Variants in NLGN1 observed in about 807,000 individuals in gnomAD.
NLGN1 encodes the protein neuroligin 1.
NLGN1 carries 12 observed loss-of-function variants against 65.5 expected under a neutral mutation model. The ratio of observed to expected loss-of-function variants is 0.18; its 90% confidence interval spans 0.12 to 0.30. The LOEUF (loss-of-function observed/expected upper bound fraction) is 0.30, where lower values mean the gene tolerates loss of function less well. NLGN1 is among the 10% of genes least tolerant of loss of function. The pLI is 1.00. For missense variants in NLGN1, 750 were observed against 1,007.1 expected, an observed-to-expected ratio of 0.74 and a Z score of 3.46; for synonymous variants, 350 against 359.5, an observed-to-expected ratio of 0.97 and a Z score of 0.30.
At position 174,068,712 on chromosome 3, in the gene NLGN1, A is replaced by G. The variant is rs9850345; in HGVS notation, c.647-206603A>G. ...ACCTCAAAAAGAAGTTATATTTGAT[A>G]TAAAAATGATTAGAGTCACCATTTC... On this transcript the variant is annotated intron_variant, in intron 4 of 6. Transcript: ENST00000457714. 8.7e-3 allele frequency among the ~76,000 whole-genome samples: 1,327 copies of G among 152,318 alleles called. 25 individuals are homozygous for G. Among genetic ancestry groups the G allele is most frequent in the African/African-American group, 0.03 (1,247 of 41,584 alleles).
intron 4 of NLGN1, among the ~76,000 whole-genome samples, chr3:174,089,969 G>T (rs944752931): frequency 6.6e-6 from 1 of 151,554 alleles, no homozygotes; most frequent in Non-Finnish European, 1.5e-5. Context: ...TATATCTAGA[G>T]TTATCAGTTT....
At chr3:173,850,500 T>C (rs1726703297) in intron 4 of NLGN1, among the ~76,000 whole-genome samples, 1 of 152,162 alleles carries the variant, frequency 6.6e-6, no homozygotes, top group Admixed American at 6.5e-5. Flanking sequence ...ACTTGCCTTG[T>C]GGGTTTCTTT....
chr3:173,751,549 A>C (rs989009563), intron 3 of NLGN1, among the ~76,000 whole-genome samples: 3 of 152,070 alleles, frequency 2.0e-5, no homozygotes, highest in Admixed American at 1.3e-4. Flanking sequence ...GGCCTTAAGT[A>C]AGTTACCTTT....
At chr3:173,900,334 G>A (rs1737109477) in intron 4 of NLGN1, among the ~76,000 whole-genome samples, 1 of 151,976 alleles carries the variant, frequency 6.6e-6, no homozygotes, top group Non-Finnish European at 1.5e-5. Context: ...ATAGCTTTGG[G>A]TGCATCTGTT....
intron 3 of NLGN1, among the ~76,000 whole-genome samples, chr3:173,747,801 C>CTTTTTT (rs749749824): frequency 0.014 from 928 of 64,374 alleles, 174 homozygotes; most frequent in African/African-American, 0.036. Context: ...TCTTCTTGTT[C>CTTTTTT]TTTTTTTTTT....
intron 4 of NLGN1, among the ~76,000 whole-genome samples, chr3:174,064,524 G>A (rs1338222578): frequency 6.6e-6 from 1 of 150,828 alleles, no homozygotes; most frequent in East Asian, 1.9e-4. Flanking sequence ...CTATGCCTTA[G>A]TTTCAAATGA....
At chr3:173,812,080 T>C (rs560262598) in intron 4 of NLGN1, among the ~76,000 whole-genome samples, 1 of 152,308 alleles carries the variant, frequency 6.6e-6, no homozygotes, top group Non-Finnish European at 1.5e-5. Context: ...AGTTTAAATA[T>C]TTTAGAAGTA....
chr3:174,121,547 A>G (rs1214948617), intron 4 of NLGN1, among the ~76,000 whole-genome samples: 1 of 152,326 alleles, frequency 6.6e-6, no homozygotes, highest in Middle Eastern at 3.4e-3. Flanking sequence ...GTAGCCTTAG[A>G]AATTAGTTCT....
rs1724885905 is a variant in NLGN1, at chr3:173,842,092, G to T, written c.646+34260G>T. On this transcript the variant is annotated intron_variant, in intron 4 of 6. Transcript: ENST00000457714. The stretch of plus-strand genomic sequence containing the variant: ...AGAAAGCAAGGAGGAGCAAGTCACA[G>T]CTTACGTGGATGGCAGCAGGCAAAA... Among the ~76,000 whole-genome samples the T allele has an allele frequency of 1.3e-5, 2 of 152,152 alleles. 1 individual carries two copies. The highest frequency in any genetic ancestry group is 4.1e-4 in the South Asian group (2 of 4,830).
intron 4 of NLGN1, among the ~76,000 whole-genome samples, chr3:174,015,887 G>C (rs1264981053): frequency 1.3e-5 from 2 of 152,096 alleles, no homozygotes; most frequent in African/African-American, 4.8e-5. Context: ...AAAGGAAATA[G>C]AACAGAAAGT....
chr3:173,680,590 G>A (rs1454067007), intron 3 of NLGN1, among the ~76,000 whole-genome samples: 2 of 152,096 alleles, frequency 1.3e-5, no homozygotes, highest in African/African-American at 4.8e-5. Context: ...AATTCTCTGG[G>A]TGTCAAGTAG....
chr3:174,148,651 G>C lies in NLGN1; in HGVS notation c.647-126664G>C, dbSNP rs143956397. Reference sequence around the variant, plus strand: ...ATCATATACACTTTTGCATGGGTTAGAAGAAACTTTACTTGCTCTAAATCT... The same window carrying C: ...ATCATATACACTTTTGCATGGGTTACAAGAAACTTTACTTGCTCTAAATCT... On this transcript the variant is annotated intron_variant, in intron 4 of 6. Coordinates refer to ENST00000457714, the Ensembl canonical transcript of NLGN1. Among the ~76,000 whole-genome samples the C allele has an allele frequency of 4.5e-3, 679 of 152,230 alleles. 6 individuals carry two copies. Among genetic ancestry groups the C allele is most frequent in the African/African-American group, 0.015 (633 of 41,538 alleles).
chr3:174,034,898 A>T (rs1044450166), intron 4 of NLGN1, among the ~76,000 whole-genome samples: 3 of 151,842 alleles, frequency 2.0e-5, no homozygotes, highest in African/African-American at 7.3e-5. Context: ...GAGGGTGGAT[A>T]AAAAAAAGAC....
At chr3:174,288,713 C>T (rs538036936), downstream of NLGN1, among the ~76,000 whole-genome samples, 5 of 151,524 alleles carry the variant, frequency 3.3e-5, no homozygotes, top group South Asian at 1.0e-3. Context: ...TAGGATTGAC[C>T]ATAATAAACA....
At chr3:173,747,795 C>CTTTTTTTTTTTTTTT (rs1560289220) in intron 3 of NLGN1, among the ~76,000 whole-genome samples, 4 of 78,576 alleles carry the variant, frequency 5.1e-5, no homozygotes, top group African/African-American at 2.5e-4. Context: ...TCTTCTTCTT[C>CTTTTTTTTTTTTTTT]TTGTTCTTTT....
chr3:174,280,419 A>G lies in NLGN1; in HGVS notation c.1650-62A>G. On this transcript the variant is annotated intron_variant, in intron 6 of 6. Transcript: ENST00000457714. The surrounding 1 kb of genome is among the most constrained non-coding windows in gnomAD (Gnocchi z 4.9). ...CTATTTAATTATTAGATGTTAAAGT[A>G]GTGTGATTTTAAGTAAAAAATAAAA... 9.2e-7 allele frequency: 1 copy of G among 1,083,226 alleles called. No individual in the cohort carries two copies. Among genetic ancestry groups the G allele is most frequent in the South Asian group, 1.6e-5 (1 of 63,318 alleles). The allele number at this position is 1,083,226 out of a possible 1,614,324, so 67.1% of individuals were successfully genotyped here.
chr3:174,267,599 T>C (rs1243340981), intron 4 of NLGN1, among the ~76,000 whole-genome samples: 1 of 152,126 alleles, frequency 6.6e-6, no homozygotes, highest in Non-Finnish European at 1.5e-5. Flanking sequence ...TCATCTCGGA[T>C]AAGCCCCACC....
rs182039479 is a variant in NLGN1, at chr3:173,869,465, T to A, written c.646+61633T>A. Among the ~76,000 whole-genome samples, 8 of 152,286 alleles carry A rather than the reference T, an allele frequency of 5.3e-5. No individual in the cohort carries two copies. In the East Asian group the frequency reaches 1.5e-3, roughly 29 times the overall value. On this transcript the variant is annotated intron_variant, in intron 4 of 6. Coordinates refer to ENST00000457714, the Ensembl canonical transcript of NLGN1. ...AATGGCAAAGGTTGTTTGGTTTTAC[T>A]CCCTGGGCATCAGAAACTAGTAGTC...
At chr3:174,098,813 A>G (rs1561037902) in intron 4 of NLGN1, among the ~76,000 whole-genome samples, 2 of 152,236 alleles carry the variant, frequency 1.3e-5, no homozygotes, top group Non-Finnish European at 2.9e-5. Context: ...CTTTCAGTTT[A>G]AATAACTGAA....
Sources: allele counts gnomAD v4.1 joint callset (sites outside exome capture counted in the v4.1 genomes callset), GRCh38; gene constraint gnomAD v4.1.1; non-coding constraint Gnocchi (gnomAD v3.1); transcripts MANE v1.5; gene names NCBI Gene and HGNC (gene_info 2026-07-23, HGNC 2026-07-21).